ZMYM5: variants seen among roughly 807,000 people sequenced by gnomAD.
The protein encoded by ZMYM5 is zinc finger MYM-type protein 5.
A neutral mutation model predicts 61.8 loss-of-function variants in ZMYM5; 41 were observed. The ratio of observed to expected loss-of-function variants is 0.66; its 90% CI spans 0.52 to 0.86. The LOEUF (loss-of-function observed/expected upper bound fraction) is 0.86. Ranked by LOEUF, ZMYM5 falls within the 40% of genes least tolerant of loss-of-function variation. The pLI, the probability that ZMYM5 is intolerant of heterozygous loss-of-function variation, is 0.00. For missense variants in ZMYM5, 706 were observed against 786.7 expected (o/e 0.90, Z 1.23); for synonymous variants, 257 against 276.4 (o/e 0.93, Z 0.70).
intron 4 of ZMYM5, among the ~76,000 whole-genome samples, chr13:19,842,424 T>C (rs982552636): frequency 1.3e-5 from 2 of 152,198 alleles, no homozygotes; most frequent in African/African-American, 4.8e-5. Context: ...TGGAGGAACT[T>C]TGACTTCAAA....
intron 2 of ZMYM5, among the ~76,000 whole-genome samples, chr13:19,857,337 T>G (rs1241937514): frequency 6.6e-6 from 1 of 152,196 alleles, no homozygotes; most frequent in Non-Finnish European, 1.5e-5. Context: ...TAACGGGATA[T>G]TTAGGTGTAA....
chr13:19,824,887 G>C lies in ZMYM5; in HGVS notation c.1600C>G (p.Arg534Gly). The C allele has an allele frequency of 7.4e-7, 1 of 1,356,792 alleles. No homozygotes were observed. The highest frequency in any genetic ancestry group is 9.8e-7 in the Non-Finnish European group (1 of 1,016,024). 84.0% of individuals were successfully genotyped at this position (1,356,792 alleles called of 1,614,324 possible). A position where few individuals can be genotyped will look rare whatever the true frequency, so the allele number is the denominator to read the frequency against. Residue 534 changes from arginine (R) to glycine (G), a missense_variant, in exon 8 of 8, where the codon CGG becomes GGG. Around this residue, in one of 2 missense-constraint regions of ZMYM5, gnomAD observed 226 missense variants for 325.0 expected, o/e 0.70. Coordinates refer to ENST00000337963, the MANE Select transcript of ZMYM5 (RefSeq NM_001142684.2). ...GGAACATTTTCAACAAGAGTGTCCCGTTGTTTAATATTCAAAATTCGGGGC... is the reference window on the plus strand; with the variant it reads ...GGAACATTTTCAACAAGAGTGTCCCCTTGTTTAATATTCAAAATTCGGGGC... ...TWPRILNIKQ[R>G]DTLVENVPPQ...
Position 19,835,655 on chromosome 13 carries a change from T to C in ZMYM5, c.1073A>G (p.His358Arg). ...RHEVSVNNVT[H>R]KLCSNHCFNK... is the part of the protein sequence containing the mutation. ...AAAGCAATGGTTACTGCACAGTTTATGTGTTACATTATTTACGCTGACTTC... is the reference window on the plus strand; with the variant it reads ...AAAGCAATGGTTACTGCACAGTTTACGTGTTACATTATTTACGCTGACTTC... Residue 358 changes from histidine to arginine, a missense_variant, in exon 7 of 8, where the codon CAT (histidine) becomes CGT (arginine). Coordinates refer to ENST00000337963, the MANE Select transcript of ZMYM5 (RefSeq NM_001142684.2). 1 of 1,367,682 alleles carries C rather than the reference T, an allele frequency of 7.3e-7. No homozygotes were observed. Among genetic ancestry groups the C allele is most frequent in the Non-Finnish European group, 9.8e-7 (1 of 1,021,856 alleles). 84.7% of individuals were successfully genotyped at this position (1,367,682 alleles called of 1,614,324 possible).
intron 4 of ZMYM5, 28 bp downstream of exon 4, chr13:19,851,327 G>T: frequency 6.4e-7 from 1 of 1,566,318 alleles, no homozygotes; most frequent in Non-Finnish European, 8.8e-7. Flanking sequence ...ATTTACTTGA[G>T]GTAGAAACAG....
intron 5 of ZMYM5, 76 bp from the exon 6 acceptor site, chr13:19,837,897 C>T (rs1434711227): frequency 2.1e-6 from 3 of 1,445,048 alleles, no homozygotes; most frequent in South Asian, 1.4e-5. Flanking sequence ...ATAATAATTG[C>T]CATTTTTCAT....
rs10690639 is a variant in ZMYM5, at chr13:19,860,935, CGTGTGT to C, written c.-11+1458_-11+1463del. ...CTAACTATATGCATGTATATGCGCA[CGTGTGT>C]GTGTGTGTGTGTGTGTGTGTGTCTC... On this transcript the variant is annotated intron_variant, in intron 2 of 7. Coordinates refer to ENST00000337963, the MANE Select transcript of ZMYM5 (RefSeq NM_001142684.2). Among the ~76,000 whole-genome samples, 107 of 136,846 alleles carry C rather than the reference CGTGTGT, an allele frequency of 7.8e-4. No individual in the cohort carries two copies. In the South Asian group the frequency reaches 0.02, roughly 25 times the overall value. The allele number at this position is 136,846 out of a possible 152,430, so 89.8% of individuals were successfully genotyped here. A position where few individuals can be genotyped will look rare whatever the true frequency, so the allele number is the denominator to read the frequency against.
At chr13:19,838,033 A>G (rs1952730308) in intron 5 of ZMYM5, among the ~76,000 whole-genome samples, 1 of 152,174 alleles carries the variant, frequency 6.6e-6, no homozygotes, top group Non-Finnish European at 1.5e-5. Context: ...AATCTTTCGT[A>G]GCACAAGAAC....
chr13:19,856,357 T>C (rs1252121377), intron 2 of ZMYM5, among the ~76,000 whole-genome samples: 2 of 152,024 alleles, frequency 1.3e-5, no homozygotes, highest in Non-Finnish European at 1.5e-5. Context: ...AACATCAAAT[T>C]ATGACCGGCC....
In ZMYM5 at chr13:19,851,867, T is replaced by C; in HGVS notation, c.314A>G (p.Asp105Gly). ...NYSVIPPSSR[D>G]LASQKGNISE... ...TATATTTCCTTTCTGAGATGCCAAATCTCTTGAAGAAGGAGGAATTACAGA... is the reference window on the plus strand; with the variant it reads ...TATATTTCCTTTCTGAGATGCCAAACCTCTTGAAGAAGGAGGAATTACAGA... The change falls in exon 3 of 8, where the codon GAT becomes GGT. Residue 105 changes from aspartate to glycine, a missense_variant. Physicochemically the swap from Asp to Gly is moderately conservative, Grantham distance 94. Coordinates refer to ENST00000337963, the MANE Select transcript of ZMYM5 (RefSeq NM_001142684.2). 6.2e-7 allele frequency: 1 copy of C among 1,611,960 alleles called. No individual in the cohort carries two copies. The highest frequency in any genetic ancestry group is 8.5e-7 in the Non-Finnish European group (1 of 1,179,556).
intron 4 of ZMYM5, among the ~76,000 whole-genome samples, chr13:19,848,543 G>GTT: frequency 7.9e-6 from 1 of 126,156 alleles, no homozygotes; most frequent in Middle Eastern, 4.5e-3. Context: ...CAGCCTCTTT[G>GTT]TTTTTTTTTG....
intron 2 of ZMYM5, among the ~76,000 whole-genome samples, chr13:19,858,688 A>G (rs1392649524): frequency 6.6e-6 from 1 of 152,154 alleles, no homozygotes. Context: ...GGAAAGGAAG[A>G]ATAAGAAACA....
chr13:19,836,636 A>C (rs1425032968), intron 6 of ZMYM5, among the ~76,000 whole-genome samples: 2 of 152,264 alleles, frequency 1.3e-5, no homozygotes, highest in Middle Eastern at 3.4e-3. Flanking sequence ...TGGTATTGTA[A>C]GTAAAGTTCA....
At chr13:19,840,868 G>A (rs1338298446) in intron 4 of ZMYM5, among the ~76,000 whole-genome samples, 6 of 151,866 alleles carry the variant, frequency 4.0e-5, no homozygotes, top group Non-Finnish European at 5.9e-5. Flanking sequence ...TAGTAGAGAC[G>A]GGGTTTCACC....
intron 7 of ZMYM5, among the ~76,000 whole-genome samples, chr13:19,830,169 C>CTT (rs145079275): frequency 0.098 from 14,926 of 152,082 alleles, 849 homozygotes; most frequent in African/African-American, 0.16. Context: ...AAGATTCTGT[C>CTT]TACATTTTAT....
rs368428175 is a variant in ZMYM5, at chr13:19,851,473, C to T, written c.493-25G>A. 11 of 1,609,706 alleles carry T rather than the reference C, an allele frequency of 6.8e-6. No homozygotes were observed. The African/African-American group carries it at 9.4e-5, about 14-fold the overall frequency. ...TCTGTGGAGTTAAAGATGGGGTGTA[C>T]GTTTGTATATTAACACCAAAATTAC... On this transcript the variant is annotated intron_variant, in intron 3 of 7. Transcript: ENST00000337963.
intron 2 of ZMYM5, among the ~76,000 whole-genome samples, chr13:19,861,272 C>T (rs922939348): frequency 9.9e-5 from 15 of 152,164 alleles, no homozygotes; most frequent in East Asian, 1.9e-4. Context: ...CCTCAGCTTT[C>T]TGAGTAGCTG....
chr13:19,831,223 C>G (rs1394760336), intron 7 of ZMYM5, among the ~76,000 whole-genome samples: 2 of 151,368 alleles, frequency 1.3e-5, no homozygotes, highest in African/African-American at 4.9e-5. Flanking sequence ...ACCTCCCAAG[C>G]TCAGGCCATC....
chr13:19,856,515 C>T (rs974218342), intron 2 of ZMYM5, among the ~76,000 whole-genome samples: 5 of 151,934 alleles, frequency 3.3e-5, no homozygotes, highest in African/African-American at 1.2e-4. Flanking sequence ...TGATGCATGC[C>T]CGTAATCCCA....
intron 4 of ZMYM5, among the ~76,000 whole-genome samples, chr13:19,846,916 G>A (rs929579677): frequency 6.6e-6 from 1 of 151,912 alleles, no homozygotes; most frequent in Non-Finnish European, 1.5e-5. Flanking sequence ...AACAGAGTGG[G>A]ATGCTGACAC....
Sources: gnomAD v4.1 joint callset for allele counts (sites outside exome capture counted in the v4.1 genomes callset) on GRCh38, gnomAD v4.1.1 for gene constraint, gnomAD v4.1.1 regional missense constraint, MANE v1.5 for transcripts, NCBI Gene and HGNC (gene_info 2026-07-23, HGNC 2026-07-21) for gene names.